Variants in PARD3B observed in about 807,000 individuals in gnomAD.
PARD3B encodes partitioning defective 3 homolog B.
A neutral mutation model predicts 130.2 loss-of-function variants in PARD3B; 103 were observed. The ratio of observed to expected loss-of-function variants is 0.79; its 90% CI spans 0.67 to 0.93. The LOEUF (loss-of-function observed/expected upper bound fraction) is 0.93. PARD3B is among the 40% of genes least tolerant of loss of function. The pLI, the probability that PARD3B is intolerant of heterozygous loss-of-function variation, is 0.00. For synonymous variants in PARD3B, 583 were observed against 553.2 expected, an observed-to-expected ratio of 1.05 and a Z score of -0.76; for missense variants, 1,609 against 1,499.2, an observed-to-expected ratio of 1.07 and a Z score of -1.21.
At chr2:205,284,317 A>C (rs1163006736) in intron 16 of PARD3B, among the ~76,000 whole-genome samples, 1 of 152,218 alleles carries the variant, frequency 6.6e-6, no homozygotes, top group East Asian at 1.9e-4. Flanking sequence ...TGCTTTAAAA[A>C]ATATTCCCTC....
chr2:204,737,612 C>G (rs1370616234), intron 2 of PARD3B, among the ~76,000 whole-genome samples: 2 of 152,064 alleles, frequency 1.3e-5, no homozygotes, highest in Non-Finnish European at 2.9e-5. Context: ...GTTTTTGTTG[C>G]ATTTGCTTTT....
chr2:205,410,643 T>C (rs1191329298), intron 19 of PARD3B, among the ~76,000 whole-genome samples: 1 of 152,186 alleles, frequency 6.6e-6, no homozygotes, highest in Admixed American at 6.5e-5. Flanking sequence ...TGGGGCTGGA[T>C]AATATACTAG....
chr2:205,594,272 C>T (rs973593781), intron 22 of PARD3B, among the ~76,000 whole-genome samples: 3 of 152,226 alleles, frequency 2.0e-5, no homozygotes, highest in Non-Finnish European at 2.9e-5. Context: ...TCCCTTCTCA[C>T]TTCTGCAGCA....
At chr2:204,976,337 G>A (rs1244502718) in intron 3 of PARD3B, among the ~76,000 whole-genome samples, 1 of 152,166 alleles carries the variant, frequency 6.6e-6, no homozygotes, top group African/African-American at 2.4e-5. Context: ...CAAGCTGCAT[G>A]ATTTTCGGCA....
In PARD3B at chr2:205,550,793, C is replaced by T. The variant is rs562509262; in HGVS notation, c.3181-2531C>T. 3.4e-4 allele frequency among the ~76,000 whole-genome samples: 51 copies of T among 149,250 alleles called. 2 individuals carry two copies. The highest frequency in any genetic ancestry group is 3.6e-3 in the Middle Eastern group (1 of 280). Reference sequence around the variant, plus strand: ...ATATATGTATATACATGCAAATATACAAATATATGCATATTTATATGTATA... The same window carrying T: ...ATATATGTATATACATGCAAATATATAAATATATGCATATTTATATGTATA... On this transcript the variant is annotated intron_variant, in intron 21 of 22. Coordinates refer to ENST00000406610, the MANE Select transcript of PARD3B (RefSeq NM_001302769.2). This position sits in a 1 kb window ranked among gnomAD's most constrained non-coding sequence, Gnocchi z 4.5.
chr2:205,555,777 A>G (rs1415762198), intron 22 of PARD3B, among the ~76,000 whole-genome samples: 1 of 152,236 alleles, frequency 6.6e-6, no homozygotes, highest in East Asian at 1.9e-4. Context: ...ATGGTGGAGA[A>G]TAAATAGGGC....
At chr2:205,251,337 A>C (rs1275026196) in intron 16 of PARD3B, among the ~76,000 whole-genome samples, 2 of 151,714 alleles carry the variant, frequency 1.3e-5, no homozygotes, top group Non-Finnish European at 2.9e-5. Flanking sequence ...TGACGTGTAT[A>C]AATTATACCA....
At chr2:205,202,952 G>C (rs1160036055) in intron 15 of PARD3B, among the ~76,000 whole-genome samples, 1 of 152,080 alleles carries the variant, frequency 6.6e-6, no homozygotes, top group African/African-American at 2.4e-5. Flanking sequence ...GGATTTCATA[G>C]GTATATCCTT....
chr2:205,579,653 C>A (rs2053893975), intron 22 of PARD3B, among the ~76,000 whole-genome samples: 1 of 152,192 alleles, frequency 6.6e-6, no homozygotes, highest in South Asian at 2.1e-4. Flanking sequence ...TGGAGGCCAA[C>A]CTTGCCTGAT....
intron 20 of PARD3B, among the ~76,000 whole-genome samples, chr2:205,468,957 T>C (rs2048729724): frequency 6.6e-6 from 1 of 151,594 alleles, no homozygotes; most frequent in Admixed American, 6.6e-5. Context: ...GTACCATTTT[T>C]CCCCTCTATC....
intron 21 of PARD3B, among the ~76,000 whole-genome samples, chr2:205,528,083 A>G (rs888327993): frequency 1.3e-5 from 2 of 152,158 alleles, no homozygotes; most frequent in East Asian, 3.9e-4. Context: ...GTGATCCAGA[A>G]GCTAGGTTAG....
chr2:204,561,948 A>C (rs1386597889), intron 1 of PARD3B, among the ~76,000 whole-genome samples: 1 of 152,112 alleles, frequency 6.6e-6, no homozygotes, highest in Non-Finnish European at 1.5e-5. Flanking sequence ...GGTCTCAAAC[A>C]ATGGCAAGGG....
At chr2:205,534,131 A>G (rs1030285054) in intron 21 of PARD3B, among the ~76,000 whole-genome samples, 1 of 152,020 alleles carries the variant, frequency 6.6e-6, no homozygotes, top group African/African-American at 2.4e-5. Flanking sequence ...CACTTGATCA[A>G]ATAAATGTTG....
At chr2:205,259,918 C>T (rs2040236362) in intron 16 of PARD3B, among the ~76,000 whole-genome samples, 1 of 152,106 alleles carries the variant, frequency 6.6e-6, no homozygotes, top group Admixed American at 6.5e-5. Context: ...AATTCATTTA[C>T]ATTTCATATA....
At chr2:204,925,113 A>G (rs1305171992) in intron 2 of PARD3B, among the ~76,000 whole-genome samples, 1 of 152,094 alleles carries the variant, frequency 6.6e-6, no homozygotes, top group Non-Finnish European at 1.5e-5. Context: ...TCTCAGGCAC[A>G]GGTAAAAGAA....
Position 205,265,576 on chromosome 2 carries a change from C to T in PARD3B, c.2185+19754C>T, listed in dbSNP as rs2040471946. ...AATTGCTGCTGATATACCGAGACTTCACCGAAGAGATGTTCAGTGTAATAT... is the reference window on the plus strand; with the variant it reads ...AATTGCTGCTGATATACCGAGACTTTACCGAAGAGATGTTCAGTGTAATAT... On this transcript the variant is annotated intron_variant, in intron 16 of 22. Coordinates refer to ENST00000406610, the MANE Select transcript of PARD3B (RefSeq NM_001302769.2). This position sits in a 1 kb window ranked among gnomAD's most constrained non-coding sequence, Gnocchi z 4.3. Among the ~76,000 whole-genome samples the T allele has an allele frequency of 6.6e-6, 1 of 151,902 alleles. No individual in the cohort carries two copies. Among genetic ancestry groups the T allele is most frequent in the African/African-American group, 2.4e-5 (1 of 41,364 alleles).
intron 18 of PARD3B, among the ~76,000 whole-genome samples, chr2:205,335,692 G>A (rs2043289136): frequency 6.6e-6 from 1 of 152,086 alleles, no homozygotes. Flanking sequence ...GGCTGGGGAG[G>A]CCTCACAATC....
rs200412343 is a variant in PARD3B, at chr2:205,147,222, GAC to G, written c.1435-11496_1435-11495del. Among the ~76,000 whole-genome samples the G allele has an allele frequency of 4.3e-3, 651 of 152,070 alleles. 14 individuals carry two copies. Among genetic ancestry groups the G allele is most frequent in the Non-Finnish European group, 1.1e-3 (74 of 68,000 alleles). ...AAAATTTCTATTTGTTATTTTTCATGACACAAAATATTATATTCATTTCTTTA... is the reference window on the plus strand; with the variant it reads ...AAAATTTCTATTTGTTATTTTTCATGACAAAATATTATATTCATTTCTTTA... On this transcript the variant is annotated intron_variant, in intron 10 of 22. Coordinates refer to ENST00000406610, the MANE Select transcript of PARD3B (RefSeq NM_001302769.2).
At chr2:204,773,911 G>C (rs1210974939) in intron 2 of PARD3B, among the ~76,000 whole-genome samples, 4 of 152,064 alleles carry the variant, frequency 2.6e-5, no homozygotes, top group African/African-American at 9.7e-5. Context: ...ACTTAGAGTA[G>C]AATTCAGAGT....
Sources: allele counts gnomAD v4.1 joint callset (sites outside exome capture counted in the v4.1 genomes callset), GRCh38; gene constraint gnomAD v4.1.1; non-coding constraint Gnocchi (gnomAD v3.1); transcripts MANE v1.5; gene names NCBI Gene and HGNC (gene_info 2026-07-23, HGNC 2026-07-21).